Variants in SLC17A3 observed in about 807,000 individuals in gnomAD.
SLC17A3 encodes sodium-dependent phosphate transport protein 4.
A neutral mutation model predicts 60.3 loss-of-function variants in SLC17A3; 61 were observed. The observed-to-expected ratio is 1.01, with a 90% CI of 0.82 to 1.25. The LOEUF is 1.25. SLC17A3 is among the 50% of genes most tolerant of loss of function. The pLI is 0.00. For missense variants in SLC17A3, 624 were observed against 594.9 expected (o/e 1.05, Z -0.51); for synonymous variants, 192 against 208.9 (o/e 0.92, Z 0.70).
intron 2 of SLC17A3, among the ~76,000 whole-genome samples, chr6:25,867,873 A>G (rs1228890526): frequency 2.0e-5 from 3 of 151,998 alleles, no homozygotes; most frequent in African/African-American, 7.2e-5. Context: ...ATATGCATAC[A>G]AAATAAAGGC....
chr6:25,861,884 G>T lies in SLC17A3; in HGVS notation c.449C>A (p.Thr150Asn), dbSNP rs1765453855. 6.2e-7 allele frequency: 1 copy of T among 1,613,224 alleles called. No homozygotes were observed. The highest frequency in any genetic ancestry group is 8.5e-7 in the Non-Finnish European group (1 of 1,179,552). Residue 150 changes from threonine to asparagine, a missense_variant, in exon 4 of 13, where the codon ACT (threonine) becomes AAT (asparagine). Transcript: ENST00000397060. ...AGGGATGCATAGAGTGAGAAATGAA[G>T]TTGCAAACAAAGAAATGCCAACCAC... is the stretch of plus-strand genomic sequence containing the variant. ...KRVVGISLFA[T>N]SFLTLCIPLA...
At chr6:25,868,553 C>T (rs138171301) in intron 1 of SLC17A3, 133 bp from the exon 2 acceptor site, 3 of 638,286 alleles carry the variant, frequency 4.7e-6, no homozygotes, top group Non-Finnish European at 8.4e-6. Flanking sequence ...GGCTCATTAT[C>T]CCCTCTTGGC....
intron 1 of SLC17A3, among the ~76,000 whole-genome samples, chr6:25,868,981 G>T (rs1341917463): frequency 6.6e-6 from 1 of 151,872 alleles, no homozygotes; most frequent in African/African-American, 2.4e-5. Context: ...CTCCCACACT[G>T]CTTCCTCATT....
Position 25,850,031 on chromosome 6 carries a change from T to G in SLC17A3, c.1123+17A>C. The G allele has an allele frequency of 6.2e-7, 1 of 1,613,966 alleles. No homozygotes were observed. Among genetic ancestry groups the G allele is most frequent in the Non-Finnish European group, 8.5e-7 (1 of 1,179,836 alleles). ...GTATGCTACGCAAATTATCTGACCC[T>G]CAAGCTCTGTTCTTACCTAAAATTG... On this transcript the variant is annotated intron_variant, in intron 9 of 12. Coordinates refer to ENST00000397060, the MANE Select transcript of SLC17A3 (RefSeq NM_001098486.2).
In SLC17A3 at chr6:25,853,273, C is replaced by T. The variant is rs576382630; in HGVS notation, c.712+1871G>A. Reference sequence around the variant, plus strand: ...GGTTATTTTTCTTTCCTTTCTCTCTCTCTCTCTGTTTATCTCTCTTTCTCT... The same window carrying T: ...GGTTATTTTTCTTTCCTTTCTCTCTTTCTCTCTGTTTATCTCTCTTTCTCT... On this transcript the variant is annotated intron_variant, in intron 6 of 12. Coordinates refer to ENST00000397060, the MANE Select transcript of SLC17A3 (RefSeq NM_001098486.2). Among the ~76,000 whole-genome samples, 32 of 146,864 alleles carry T rather than the reference C, an allele frequency of 2.2e-4. 1 individual carries two copies. The highest frequency in any genetic ancestry group is 2.0e-3 in the Admixed American group (30 of 14,860).
intron 6 of SLC17A3, among the ~76,000 whole-genome samples, chr6:25,853,783 C>G (rs1234110946): frequency 6.6e-6 from 1 of 152,042 alleles, no homozygotes; most frequent in Non-Finnish European, 1.5e-5. Context: ...TCATCTTTTT[C>G]TAGGTATTTT....
At chr6:25,866,670 A>G (rs1004098016) in intron 2 of SLC17A3, among the ~76,000 whole-genome samples, 5 of 152,022 alleles carry the variant, frequency 3.3e-5, no homozygotes, top group Non-Finnish European at 7.4e-5. Context: ...TATTTGCATT[A>G]CAAAATTTAT....
rs12175416 is a variant in SLC17A3 at position 25,856,621 on chromosome 6, G to A, written c.626-1391C>T. 7.8e-3 allele frequency among the ~76,000 whole-genome samples: 1,189 copies of A among 152,202 alleles called. 47 individuals carry two copies. The East Asian group carries it at 0.091, about 12-fold the overall frequency. ...CCAGCACTTTGGAAGGCCGAGGCAG[G>A]CGAATCATGAGGTTAGGAGTTCGAG... is the stretch of plus-strand genomic sequence containing the variant. On this transcript the variant is annotated intron_variant, in intron 5 of 12. Coordinates refer to ENST00000397060, the MANE Select transcript of SLC17A3 (RefSeq NM_001098486.2).
Position 25,844,997 on chromosome 6 carries a change from T to C in SLC17A3, c.*304A>G, listed in dbSNP as rs1319974575. 4.9e-6 allele frequency: 1 copy of C among 205,966 alleles called. No homozygotes were observed. The highest frequency in any genetic ancestry group is 1.0e-5 in the Non-Finnish European group (1 of 99,954). 12.8% of individuals were successfully genotyped at this position (205,966 alleles called of 1,614,324 possible). On this transcript the variant is annotated 3_prime_UTR_variant, in exon 13 of 13. Coordinates refer to ENST00000397060, the MANE Select transcript of SLC17A3 (RefSeq NM_001098486.2). ...AGTTTGTCACCCCGGATTAAAGGTT[T>C]TAAAACATTGTTTCTTGTATCCAGT...
chr6:25,849,593 T>C (rs1172929794), intron 10 of SLC17A3, 129 bp from the exon 11 acceptor site: 1 of 742,326 alleles, frequency 1.3e-6, no homozygotes, highest in African/African-American at 1.8e-5. Context: ...TAGACAATTA[T>C]ATCAAAAAGG....
At chr6:25,866,039 T>G (rs1331815242) in intron 2 of SLC17A3, among the ~76,000 whole-genome samples, 1 of 152,018 alleles carries the variant, frequency 6.6e-6, no homozygotes, top group African/African-American at 2.4e-5. Context: ...GTGGCCCCAG[T>G]GATTACCACC....
chr6:25,866,671 C>A (rs1331350360), intron 2 of SLC17A3, among the ~76,000 whole-genome samples: 1 of 151,812 alleles, frequency 6.6e-6, no homozygotes, highest in East Asian at 1.9e-4. Context: ...ATTTGCATTA[C>A]AAAATTTATC....
intron 2 of SLC17A3, among the ~76,000 whole-genome samples, chr6:25,866,946 A>G (rs1765546163): frequency 6.6e-6 from 1 of 151,992 alleles, no homozygotes; most frequent in Non-Finnish European, 1.5e-5. Flanking sequence ...CAAACTGAAG[A>G]CACCATTGAT....
intron 10 of SLC17A3, 109 bp downstream of exon 10, chr6:25,849,695 TG>T: frequency 7.7e-7 from 1 of 1,293,014 alleles, no homozygotes; most frequent in Non-Finnish European, 1.1e-6. Context: ...GGTCTATCTG[TG>T]GTTCTTCCCC....
chr6:25,864,302 G>A (rs1407952517), intron 2 of SLC17A3, among the ~76,000 whole-genome samples: 1 of 151,966 alleles, frequency 6.6e-6, no homozygotes, highest in Non-Finnish European at 1.5e-5. Context: ...GGGGGCCACT[G>A]GAGGGTTTTC....
rs751438280 is a variant in SLC17A3, at chr6:25,850,810, T to C, written c.780A>G (p.Pro260=). The C allele has an allele frequency of 1.2e-6, 2 of 1,614,086 alleles. No individual in the cohort carries two copies. The highest frequency in any genetic ancestry group is 2.2e-5 in the South Asian group (2 of 91,078). ...VVIYDDPVSY[P]WISTSEKEYI... is the part of the protein sequence containing the mutation. ...ATTCTTTTTCTGAGGTGCTTATCCA[T>C]GGATAGGAAACGGGGTCATCATAAA... is the stretch of plus-strand genomic sequence containing the variant. Residue 260 remains proline, a synonymous_variant, in exon 7 of 13, where the codon CCA becomes CCG. Transcript: ENST00000397060.
In SLC17A3 at chr6:25,850,869, C is replaced by G; in HGVS notation, c.721G>C (p.Gly241Arg). 2 of 1,613,794 alleles carry G rather than the reference C, an allele frequency of 1.2e-6. No homozygotes were observed. The highest frequency in any genetic ancestry group is 1.7e-6 in the Non-Finnish European group (2 of 1,179,696). The change falls in exon 7 of 13, where the codon GGC becomes CGC. Residue 241 changes from glycine (G) to arginine (R), a missense_variant. Physicochemically the swap from Gly to Arg is moderately radical, Grantham distance 125. Coordinates refer to ENST00000397060, the MANE Select transcript of SLC17A3 (RefSeq NM_001098486.2). ...PFVFYIFGGV[G>R]CVCCLLWFVV... ...AACCAGAGAAGGCAGCAGACACAGC[C>G]AACACCTCCTGTAAGCACAGGGTAA...
At position 25,874,223 on chromosome 6, in the gene SLC17A3, C is replaced by T. The variant is rs766660001; in HGVS notation, c.-90G>A. ...GAACCCAGCGTTTCCTCCAAGCTTA[C>T]TCCCTTGGACTTTTTGGAGCAGAGA... is the stretch of plus-strand genomic sequence containing the variant. On this transcript the variant is annotated 5_prime_UTR_variant, in exon 1 of 13. Transcript: ENST00000397060. The T allele has an allele frequency of 3.3e-5, 5 of 152,104 alleles. No individual in the cohort carries two copies. Among genetic ancestry groups the T allele is most frequent in the Admixed American group, 6.6e-5 (1 of 15,258 alleles). 9.4% of individuals were successfully genotyped at this position (152,104 alleles called of 1,614,324 possible).
At chr6:25,849,675 A>T in intron 10 of SLC17A3, 130 bp downstream of exon 10, 1 of 1,068,158 alleles carries the variant, frequency 9.4e-7, no homozygotes, top group South Asian at 1.3e-5. Context: ...ACCTGAAAAA[A>T]ACGGCCACAG....
Sources: allele counts gnomAD v4.1 joint callset (sites outside exome capture counted in the v4.1 genomes callset), GRCh38; gene constraint gnomAD v4.1.1; transcripts MANE v1.5; gene names NCBI Gene and HGNC (gene_info 2026-07-23, HGNC 2026-07-21).